The following SNTG2 variants were observed in gnomAD, a reference collection of about 807,000 sequenced individuals.
SNTG2 encodes the protein syntrophin gamma 2.
In SNTG2, 74 loss-of-function variants were observed where a neutral mutation model predicts 70.9. The observed-to-expected ratio is 1.04, with a 90% CI of 0.86 to 1.27. SNTG2 has a LOEUF of 1.27. Among genes scored for constraint, SNTG2 ranks in the 50% most tolerant of loss-of-function variants. SNTG2 has a pLI of 0.00. For synonymous variants in SNTG2, 278 were observed against 273.8 expected (o/e 1.02, Z -0.15); for missense variants, 717 against 690.7 (o/e 1.04, Z -0.43).
At chr2:1,047,344 C>T in intron 1 of SNTG2, among the ~76,000 whole-genome samples, 1 of 152,192 alleles carries the variant, frequency 6.6e-6, no homozygotes, top group Non-Finnish European at 1.5e-5. Context: ...AATTCTACTT[C>T]TGTCATTTCA....
rs548725721 is a variant in SNTG2 at position 1,346,859 on chromosome 2, C to T, written c.1489-20484C>T. 1.4e-4 allele frequency among the ~76,000 whole-genome samples: 21 copies of T among 152,246 alleles called. No individual in the cohort carries two copies. The South Asian group carries it at 4.1e-3, about 30-fold the overall frequency. On this transcript the variant is annotated intron_variant, in intron 16 of 16. Transcript: ENST00000308624. Reference sequence around the variant, plus strand: ...TAGGTGGGTTTTGGGGATTCTTTAGCTGGCAGTTGGTTGAAAGAGCTAAGC... The same window carrying T: ...TAGGTGGGTTTTGGGGATTCTTTAGTTGGCAGTTGGTTGAAAGAGCTAAGC...
At chr2:1,049,499 G>A (rs750805917) in intron 1 of SNTG2, among the ~76,000 whole-genome samples, 2 of 152,100 alleles carry the variant, frequency 1.3e-5, no homozygotes, top group African/African-American at 2.4e-5. Context: ...TTCTCCTTTT[G>A]TTTTAATGCT....
intron 12 of SNTG2, among the ~76,000 whole-genome samples, chr2:1,251,404 A>G (rs965555439): frequency 4.6e-5 from 7 of 152,058 alleles, no homozygotes; most frequent in African/African-American, 1.7e-4. Context: ...TAGGAAGCTC[A>G]CATAGACCCA....
At chr2:978,702 G>A (rs1660993790) in intron 1 of SNTG2, among the ~76,000 whole-genome samples, 1 of 152,146 alleles carries the variant, frequency 6.6e-6, no homozygotes, top group Non-Finnish European at 1.5e-5. Context: ...TGACCTATGA[G>A]GATATTTTAA....
In SNTG2 at chr2:1,326,306, A is replaced by G. The variant is rs563228371; in HGVS notation, c.1488+9931A>G. Among the ~76,000 whole-genome samples, 118 of 152,292 alleles carry G rather than the reference A, an allele frequency of 7.7e-4. 1 individual carries two copies. The highest frequency in any genetic ancestry group is 2.9e-3 in the Admixed American group (45 of 15,292). On this transcript the variant is annotated intron_variant, in intron 16 of 16. Transcript: ENST00000308624. Reference sequence around the variant, plus strand: ...CCTTTCTTGGACTTGCAGGAGCCCTATTTGGACTTCCAGAGGTCTTAATGT... The same window carrying G: ...CCTTTCTTGGACTTGCAGGAGCCCTGTTTGGACTTCCAGAGGTCTTAATGT...
intron 16 of SNTG2, among the ~76,000 whole-genome samples, chr2:1,326,275 A>G (rs1009639634): frequency 1.3e-5 from 2 of 152,232 alleles, no homozygotes; most frequent in Non-Finnish European, 2.9e-5. Context: ...AAGGAAACGT[A>G]ATATGCCTTT....
chr2:1,031,897 TG>T (rs1660858854), intron 1 of SNTG2, among the ~76,000 whole-genome samples: 1 of 152,158 alleles, frequency 6.6e-6, no homozygotes, highest in South Asian at 2.1e-4. Flanking sequence ...AAATTGGGAC[TG>T]ACTGCTAATG....
chr2:1,087,667 CCATT>C (rs1186076572), intron 2 of SNTG2, among the ~76,000 whole-genome samples: 1 of 152,304 alleles, frequency 6.6e-6, no homozygotes, highest in East Asian at 1.9e-4. Flanking sequence ...CAAATTAAGA[CCATT>C]AAATAACGTA....
At chr2:1,196,888 C>G (rs1367163326) in intron 8 of SNTG2, among the ~76,000 whole-genome samples, 1 of 152,120 alleles carries the variant, frequency 6.6e-6, no homozygotes, top group African/African-American at 2.4e-5. Context: ...GGGAGCCCTA[C>G]ACCTGGAAGT....
At chr2:1,056,282 G>A (rs1409018783) in intron 1 of SNTG2, among the ~76,000 whole-genome samples, 1 of 46,128 alleles carries the variant, frequency 2.2e-5, no homozygotes, top group Admixed American at 2.1e-4. Context: ...GGGAGAGGCC[G>A]CGCCGTGCTG....
intron 14 of SNTG2, among the ~76,000 whole-genome samples, chr2:1,296,983 A>T (rs545041988): frequency 6.6e-6 from 1 of 152,298 alleles, no homozygotes; most frequent in Admixed American, 6.5e-5. Context: ...ATCCAGCCTC[A>T]CAGAGATTCC....
intron 8 of SNTG2, among the ~76,000 whole-genome samples, chr2:1,193,500 C>T (rs1277066342): frequency 6.6e-6 from 1 of 152,108 alleles, no homozygotes; most frequent in African/African-American, 2.4e-5. Flanking sequence ...TTTAGAAGTC[C>T]GTTGCTGTAC....
In SNTG2 at chr2:953,016, A is replaced by G. The variant is rs1660029272; in HGVS notation, c.72+1948A>G. 3.3e-5 allele frequency among the ~76,000 whole-genome samples: 5 copies of G among 152,336 alleles called. No individual in the cohort carries two copies. In the South Asian group the frequency reaches 8.3e-4, roughly 25 times the overall value. On this transcript the variant is annotated intron_variant, in intron 1 of 16. Coordinates refer to ENST00000308624, the MANE Select transcript of SNTG2 (RefSeq NM_018968.4). ...CTAGAAAAAGATGAAAGTCTTTTCT[A>G]AATCTTATATTTCTAGTTATATTTT...
intron 16 of SNTG2, among the ~76,000 whole-genome samples, chr2:1,349,303 G>T (rs1040521872): frequency 2.0e-5 from 3 of 152,202 alleles, no homozygotes; most frequent in Admixed American, 6.5e-5. Context: ...CAATAGTGAT[G>T]TTATCTATGG....
intron 1 of SNTG2, among the ~76,000 whole-genome samples, chr2:1,055,560 A>G (rs557848167): frequency 6.6e-6 from 1 of 152,278 alleles, no homozygotes; most frequent in African/African-American, 2.4e-5. Flanking sequence ...CGAGACAAAA[A>G]TACTAATTTT....
chr2:1,056,453 C>A (rs560560642), intron 1 of SNTG2, among the ~76,000 whole-genome samples: 1 of 6,920 alleles, frequency 1.4e-4, no homozygotes, highest in Non-Finnish European at 2.4e-4. Context: ...GGGAGAGCGT[C>A]GCGCTGTGCT....
intron 9 of SNTG2, among the ~76,000 whole-genome samples, chr2:1,236,242 C>A (rs1324036620): frequency 1.3e-5 from 2 of 152,202 alleles, no homozygotes; most frequent in Non-Finnish European, 2.9e-5. Context: ...TAATAAGCAC[C>A]TAATTCATGT....
intron 4 of SNTG2, among the ~76,000 whole-genome samples, chr2:1,100,259 C>G (rs1665698467): frequency 1.3e-5 from 2 of 151,990 alleles, no homozygotes; most frequent in Middle Eastern, 3.2e-3. Flanking sequence ...CTCCACCTCC[C>G]AGGTTCAAGC....
At chr2:1,184,619 G>A (rs1438364438) in intron 8 of SNTG2, among the ~76,000 whole-genome samples, 1 of 152,136 alleles carries the variant, frequency 6.6e-6, no homozygotes, top group East Asian at 1.9e-4. Context: ...CAGAGCAGGA[G>A]GAAGAGCAAG....
Sources: allele counts gnomAD v4.1 joint callset (sites outside exome capture counted in the v4.1 genomes callset), GRCh38; gene constraint gnomAD v4.1.1; transcripts MANE v1.5; gene names NCBI Gene and HGNC (gene_info 2026-07-23, HGNC 2026-07-21).